SETD2: variants seen among roughly 807,000 people sequenced by gnomAD.
SETD2 encodes SET domain containing 2, histone lysine methyltransferase.
In SETD2, 31 loss-of-function variants were observed where a neutral mutation model predicts 242.1. The ratio of observed to expected loss-of-function variants is 0.13; its 90% CI spans 0.10 to 0.17. The LOEUF is 0.17. Among genes scored for constraint, SETD2 ranks in the 10% least tolerant of loss-of-function variants. The probability of loss-of-function intolerance (pLI) is 1.00; values close to 1 mark genes in which losing one functional copy is unlikely to be tolerated. For synonymous variants in SETD2, 1,006 were observed against 1,066.5 expected (o/e 0.94, Z 1.11); for missense variants, 2,481 against 3,046.3 (o/e 0.81, Z 4.37).
intron 4 of SETD2, among the ~76,000 whole-genome samples, chr3:47,114,250 G>A (rs866564819): frequency 1.3e-5 from 2 of 152,112 alleles, no homozygotes; most frequent in African/African-American, 4.8e-5. Flanking sequence ...GGTCATCACA[G>A]AAATATCTAC....
chr3:47,132,131 C>CTTTT (rs531246872), intron 1 of SETD2, among the ~76,000 whole-genome samples: 5 of 129,610 alleles, frequency 3.9e-5, no homozygotes, highest in African/African-American at 8.8e-5. Context: ...ATACACATAT[C>CTTTT]TTTTTTTTTT....
At position 47,047,947 on chromosome 3, in the gene SETD2, A is replaced by G. The variant is rs550315911; in HGVS notation, c.6964-1326T>C. On this transcript the variant is annotated intron_variant, in intron 15 of 20. Transcript: ENST00000409792. ...ATCATACAGTGTACTTCACAAATCT[A>G]TTAGATACCTAGGCTATATGGTATA... is the stretch of plus-strand genomic sequence containing the variant. 1.2e-3 allele frequency among the ~76,000 whole-genome samples: 189 copies of G among 152,294 alleles called. 5 individuals are homozygous for G. The South Asian group carries it at 0.039, about 31-fold the overall frequency.
At chr3:47,120,139 A>G in intron 3 of SETD2, 43 bp downstream of exon 3, 1 of 1,424,866 alleles carries the variant, frequency 7.0e-7, no homozygotes, top group Non-Finnish European at 9.5e-7. Flanking sequence ...CTAACAACAA[A>G]AAAAGAGTTA....
Position 47,017,508 on chromosome 3 carries a change from T to G in SETD2, c.7533+130A>C. The G allele has an allele frequency of 1.3e-6, 1 of 764,166 alleles. No individual in the cohort carries two copies. The highest frequency in any genetic ancestry group is 2.2e-6 in the Non-Finnish European group (1 of 462,322). 47.3% of individuals were successfully genotyped at this position (764,166 alleles called of 1,614,324 possible). On this transcript the variant is annotated intron_variant, in intron 20 of 20. Coordinates refer to ENST00000409792, the MANE Select transcript of SETD2 (RefSeq NM_014159.7). The surrounding 1 kb of genome is among the most constrained non-coding windows in gnomAD (Gnocchi z 4.8). ...TCCCTCCCCAAACCTTCCCTCCCCG[T>G]TCCTGGGTCCCCAGCTCTGACATCT... is the stretch of plus-strand genomic sequence containing the variant.
intron 18 of SETD2, among the ~76,000 whole-genome samples, chr3:47,024,191 G>A (rs899885350): frequency 1.3e-5 from 2 of 152,156 alleles, no homozygotes; most frequent in African/African-American, 2.4e-5. Context: ...AATACAAAAA[G>A]GCCAGGCGTG....
chr3:47,078,422 T>C (rs956795761), intron 12 of SETD2, among the ~76,000 whole-genome samples: 1 of 145,464 alleles, frequency 6.9e-6, no homozygotes, highest in South Asian at 2.2e-4. Flanking sequence ...GTGAACTTTA[T>C]AAAAAATAAA....
chr3:47,144,837 G>A (rs1405899542), intron 1 of SETD2, among the ~76,000 whole-genome samples: 2 of 151,812 alleles, frequency 1.3e-5, no homozygotes, highest in Non-Finnish European at 2.9e-5. Context: ...CGTAATCCCA[G>A]CTACTCGGGA....
intron 1 of SETD2, among the ~76,000 whole-genome samples, chr3:47,152,674 G>A (rs979104358): frequency 2.0e-5 from 3 of 152,164 alleles, no homozygotes; most frequent in Non-Finnish European, 4.4e-5. Context: ...GAAGCAAATA[G>A]TGTTGATTAC....
chr3:47,053,442 G>A, intron 15 of SETD2, among the ~76,000 whole-genome samples: 1 of 152,262 alleles, frequency 6.6e-6, no homozygotes, highest in East Asian at 1.9e-4. Context: ...CTCTTGAGAT[G>A]TAATTTTGTA....
intron 15 of SETD2, among the ~76,000 whole-genome samples, chr3:47,047,502 G>C (rs2039584179): frequency 6.6e-6 from 1 of 152,180 alleles, no homozygotes; most frequent in African/African-American, 2.4e-5. Context: ...CCTATGGACT[G>C]AGATTCTAGC....
At chr3:47,046,029 G>A (rs1575681550) in intron 16 of SETD2, among the ~76,000 whole-genome samples, 1 of 151,780 alleles carries the variant, frequency 6.6e-6, no homozygotes, top group East Asian at 1.9e-4. Context: ...GGTGAATTTG[G>A]TGGCTACACA....
In SETD2 at chr3:47,133,269, G is replaced by A. The variant is rs540475698; in HGVS notation, c.72-6606C>T. Among the ~76,000 whole-genome samples, 5 of 152,166 alleles carry A rather than the reference G, an allele frequency of 3.3e-5. No homozygotes were observed. The South Asian group carries it at 8.3e-4, about 25-fold the overall frequency. On this transcript the variant is annotated intron_variant, in intron 1 of 20. Coordinates refer to ENST00000409792, the MANE Select transcript of SETD2 (RefSeq NM_014159.7). ...ACAGGGGTCTATGTGGTCCAGGTTGGTCTCGAACTCCTGAGCTCAAACGAT... is the reference window on the plus strand; with the variant it reads ...ACAGGGGTCTATGTGGTCCAGGTTGATCTCGAACTCCTGAGCTCAAACGAT...
intron 5 of SETD2, among the ~76,000 whole-genome samples, chr3:47,110,744 T>C (rs544374624): frequency 4.6e-5 from 7 of 152,016 alleles, no homozygotes; most frequent in South Asian, 2.1e-4. Flanking sequence ...GTTATAGGAG[T>C]AGGAAGGTAT....
chr3:47,059,109 T>TA (rs2040219147), intron 14 of SETD2, among the ~76,000 whole-genome samples: 1 of 14,220 alleles, frequency 7.0e-5, no homozygotes, highest in South Asian at 2.4e-3. Context: ...ACGCCTGGCC[T>TA]TTTTTTTTTT....
At chr3:47,055,353 G>A (rs756559979) in intron 15 of SETD2, among the ~76,000 whole-genome samples, 3 of 152,176 alleles carry the variant, frequency 2.0e-5, no homozygotes, top group Non-Finnish European at 2.9e-5. Flanking sequence ...GAGGAGTGCT[G>A]GGAGAGAGAC....
intron 15 of SETD2, among the ~76,000 whole-genome samples, chr3:47,056,092 A>ATTTT (rs146077691): frequency 8.8e-6 from 1 of 113,004 alleles, no homozygotes; most frequent in African/African-American, 3.5e-5. Flanking sequence ...AGAAAACATG[A>ATTTT]TTTTTATTTA....
chr3:47,149,793 T>G (rs2043940888), intron 1 of SETD2, among the ~76,000 whole-genome samples: 1 of 152,174 alleles, frequency 6.6e-6, no homozygotes, highest in Non-Finnish European at 1.5e-5. Flanking sequence ...AAGAGTTCAA[T>G]CTCAGCTAGT....
rs544011982 is a variant in SETD2, at chr3:47,059,710, G to A, written c.6294-2220C>T. Among the ~76,000 whole-genome samples, 64 of 152,228 alleles carry A rather than the reference G, an allele frequency of 4.2e-4. 1 individual carries two copies. Among genetic ancestry groups the A allele is most frequent in the Non-Finnish European group, 6.9e-4 (47 of 68,022 alleles). ...TGGGATTACAGGCACAAGCCACCAC[G>A]CCTGGCTGGGAATTTTTTAAGGTGA... On this transcript the variant is annotated intron_variant, in intron 14 of 20. Transcript: ENST00000409792.
At chr3:47,144,802 T>C (rs1333820398) in intron 1 of SETD2, among the ~76,000 whole-genome samples, 1 of 151,132 alleles carries the variant, frequency 6.6e-6, no homozygotes, top group Non-Finnish European at 1.5e-5. Context: ...CTACAAAAAA[T>C]ACAAAAATTA....
Sources: allele counts gnomAD v4.1 joint callset (sites outside exome capture counted in the v4.1 genomes callset), GRCh38; gene constraint gnomAD v4.1.1; non-coding constraint Gnocchi (gnomAD v3.1); transcripts MANE v1.5; gene names NCBI Gene and HGNC (gene_info 2026-07-23, HGNC 2026-07-21).